Variants in TMEM109 observed in about 807,000 individuals in gnomAD.
TMEM109 encodes voltage-gated monoatomic cation channel TMEM109.
A neutral mutation model predicts 26.4 loss-of-function variants in TMEM109; 19 were observed. That is an observed-to-expected ratio of 0.72 (90% CI 0.50 to 1.06). The LOEUF (loss-of-function observed/expected upper bound fraction) is 1.06, where lower values mean the gene tolerates loss of function less well. TMEM109 is among the 50% of genes least tolerant of loss of function. TMEM109 has a pLI of 0.00. For missense variants in TMEM109, 262 were observed against 303.4 expected (o/e 0.86, Z 1.01); for synonymous variants, 129 against 142.0 (o/e 0.91, Z 0.65).
chr11:60,922,108 G>T lies in TMEM109; in HGVS notation c.675G>T (p.Glu225Asp). Residue 225 changes from glutamate (E) to aspartate (D), a missense_variant, in exon 4 of 4, where the codon GAG becomes GAT. Glu to Asp is a conservative substitution (Grantham distance 45, BLOSUM62 2). Coordinates refer to ENST00000227525, the MANE Select transcript of TMEM109 (RefSeq NM_024092.3). ...GAGGGCTGGAACGCCAGGTGGAGGAGCTGCGCTGGCGCCAGAGGCGAGCGG... is the reference window on the plus strand; with the variant it reads ...GAGGGCTGGAACGCCAGGTGGAGGATCTGCGCTGGCGCCAGAGGCGAGCGG... ...KVRGLERQVE[E>D]LRWRQRRAAK... The T allele has an allele frequency of 6.2e-7, 1 of 1,612,500 alleles. No homozygotes were observed. Among genetic ancestry groups the T allele is most frequent in the Non-Finnish European group, 8.5e-7 (1 of 1,179,614 alleles).
intron 1 of TMEM109, among the ~76,000 whole-genome samples, chr11:60,917,863 A>G (rs1017544209): frequency 1.3e-5 from 2 of 151,808 alleles, no homozygotes; most frequent in Non-Finnish European, 1.5e-5. Flanking sequence ...AGGGTCTCCT[A>G]TGTTGCCCAG....
intron 2 of TMEM109, among the ~76,000 whole-genome samples, chr11:60,920,637 A>G (rs1338747618): frequency 6.6e-6 from 1 of 152,216 alleles, no homozygotes; most frequent in Non-Finnish European, 1.5e-5. Flanking sequence ...ATTATGTCCC[A>G]GATGCCCTAG....
rs1856250619 is a variant in TMEM109, at chr11:60,922,144, C to T, written c.711C>T (p.Ala237=). ...GCCAGAGGCGAGCGGCCAAGGGGGC[C>T]CGCAGTGTGGAGGAGGAGTGAGCCG... ...RWRQRRAAKG[A]RSVEEE Residue 237 remains alanine, a synonymous_variant, in exon 4 of 4, where the codon GCC becomes GCT. Coordinates refer to ENST00000227525, the MANE Select transcript of TMEM109 (RefSeq NM_024092.3). 3.3e-5 allele frequency: 52 copies of T among 1,599,038 alleles called. No individual in the cohort carries two copies. The highest frequency in any genetic ancestry group is 4.4e-5 in the Non-Finnish European group (52 of 1,173,226).
At chr11:60,920,077 T>A in intron 2 of TMEM109, 147 bp downstream of exon 2, 1 of 671,144 alleles carries the variant, frequency 1.5e-6, no homozygotes, top group Non-Finnish European at 2.6e-6. Context: ...AGCACTTGTC[T>A]TTGAATTCCT....
At chr11:60,919,145 A>G (rs898939723) in intron 1 of TMEM109, 2 of 159,772 alleles carry the variant, frequency 1.3e-5, no homozygotes, top group African/African-American at 2.4e-5. Flanking sequence ...GCCACCTCAC[A>G]TGATGGTCCT....
Position 60,922,080 on chromosome 11 carries a change from T to C in TMEM109, c.647T>C (p.Val216Ala). 6.2e-7 allele frequency: 1 copy of C among 1,613,204 alleles called. No individual in the cohort carries two copies. Among genetic ancestry groups the C allele is most frequent in the South Asian group, 1.1e-5 (1 of 91,062 alleles). Reference protein sequence around the residue: ...RASGAQLEAKVRGLERQVEEL... With the variant: ...RASGAQLEAKARGLERQVEEL... ...TCTGGGGCCCAACTCGAGGCCAAGGTGCGAGGGCTGGAACGCCAGGTGGAG... is the reference window on the plus strand; with the variant it reads ...TCTGGGGCCCAACTCGAGGCCAAGGCGCGAGGGCTGGAACGCCAGGTGGAG... Residue 216 changes from valine to alanine, a missense_variant, in exon 4 of 4, where the codon GTG (valine) becomes GCG (alanine). Transcript: ENST00000227525.
At chr11:60,917,739 G>A (rs148564887) in intron 1 of TMEM109, among the ~76,000 whole-genome samples, 1,876 of 152,142 alleles carry the variant, frequency 0.012, 28 homozygotes, top group Middle Eastern at 0.075. Context: ...CACTGCAGCC[G>A]TGACCTCCTG....
rs1200232953 is a variant in TMEM109, at chr11:60,920,957, C to T, written c.309C>T (p.Ala103=). 8.1e-6 allele frequency: 13 copies of T among 1,614,176 alleles called. No homozygotes were observed. Among genetic ancestry groups the T allele is most frequent in the Middle Eastern group, 1.6e-4 (1 of 6,062 alleles). Residue 103 remains alanine (A), a synonymous_variant, in exon 3 of 4, where the codon GCC becomes GCT. Transcript: ENST00000227525. ...CCTTCTTTGCTCTGTCTGGGATCGCCGCACAGCTGCTGAATGCCTTGGGAC... is the reference window on the plus strand; with the variant it reads ...CCTTCTTTGCTCTGTCTGGGATCGCTGCACAGCTGCTGAATGCCTTGGGAC... ...SVAFFALSGI[A]AQLLNALGLA...
chr11:60,921,727 C>T, intron 3 of TMEM109, 47 bp from the exon 4 acceptor site: 2 of 1,507,212 alleles, frequency 1.3e-6, no homozygotes, highest in South Asian at 2.3e-5. Context: ...GCTCTCCCCT[C>T]ACCACTTCTC....
At position 60,919,807 on chromosome 11, in the gene TMEM109, CTT is replaced by C. The variant is rs762046342; in HGVS notation, c.116_117del (p.Phe39CysfsTer13). The C allele has an allele frequency of 6.2e-7, 1 of 1,614,172 alleles. No individual in the cohort carries two copies. On this transcript the variant is annotated frameshift_variant, in exon 2 of 4. Transcript: ENST00000227525. LOFTEE classifies it high-confidence loss of function. Reference sequence around the variant, plus strand: ...CAGCATTGGCCCAGTCCCGTCGAGACTTTGCACCACCAGGCCAACAGAAGAGA... The same window carrying C: ...CAGCATTGGCCCAGTCCCGTCGAGACTGCACCACCAGGCCAACAGAAGAGA... ...HSALAQSRRDFAPPGQQKREA... is the reference protein window; with the variant it reads ...HSALAQSRRDXAPPGQQKREA...
At position 60,921,812 on chromosome 11, in the gene TMEM109, C is replaced by G. The variant is rs746512873; in HGVS notation, c.379C>G (p.Gln127Glu). 13 of 1,613,816 alleles carry G rather than the reference C, an allele frequency of 8.1e-6. No individual in the cohort carries two copies. Among genetic ancestry groups the G allele is most frequent in the Admixed American group, 3.3e-5 (2 of 60,018 alleles). Residue 127 changes from glutamine (Q) to glutamate (E), a missense_variant, in exon 4 of 4, where the codon CAG becomes GAG. Coordinates refer to ENST00000227525, the MANE Select transcript of TMEM109 (RefSeq NM_024092.3). Reference sequence around the variant, plus strand: ...CCAGGGCCTGAAGCTCAGCCCTGGCCAGGTCCAGACCTTCCTGCTGTGGGG... The same window carrying G: ...CCAGGGCCTGAAGCTCAGCCCTGGCGAGGTCCAGACCTTCCTGCTGTGGGG... Reference protein sequence around the residue: ...LAQGLKLSPGQVQTFLLWGAG... With the variant: ...LAQGLKLSPGEVQTFLLWGAG...
At position 60,922,017 on chromosome 11, in the gene TMEM109, T is replaced by C; in HGVS notation, c.584T>C (p.Leu195Pro). 6.2e-7 allele frequency: 1 copy of C among 1,613,136 alleles called. No individual in the cohort carries two copies. The stretch of plus-strand genomic sequence containing the variant: ...CTGCTACTCCTGGCCTTGCTGATCC[T>C]CTACGCCCTGCTGAGCCGGCTCACT... ...RALLLLALLILYALLSRLTGS... is the reference protein window; with the variant it reads ...RALLLLALLIPYALLSRLTGS... The change falls in exon 4 of 4, where the codon CTC becomes CCC. Residue 195 changes from leucine (L) to proline (P), a missense_variant. Physicochemically the swap from Leu to Pro is moderately conservative, Grantham distance 98. Coordinates refer to ENST00000227525, the MANE Select transcript of TMEM109 (RefSeq NM_024092.3).
chr11:60,920,476 A>G (rs1190164934), intron 2 of TMEM109, among the ~76,000 whole-genome samples: 2 of 152,154 alleles, frequency 1.3e-5, no homozygotes, highest in African/African-American at 4.8e-5. Context: ...CTATCCCTTT[A>G]CAGATGTTCT....
intron 3 of TMEM109, 24 bp downstream of exon 3, chr11:60,921,012 T>A (rs779517507): frequency 6.3e-7 from 1 of 1,598,396 alleles, no homozygotes; most frequent in Non-Finnish European, 8.6e-7. Flanking sequence ...TGCTGGGTAG[T>A]CAGCCAGAGC....
chr11:60,921,679 A>G, intron 3 of TMEM109, 95 bp from the exon 4 acceptor site: 5 of 904,112 alleles, frequency 5.5e-6, no homozygotes, highest in Admixed American at 4.4e-5. Context: ...TTCCTTTGCA[A>G]TGTGCCTAGC....
intron 1 of TMEM109, among the ~76,000 whole-genome samples, chr11:60,915,286 T>C (rs1856161548): frequency 6.6e-6 from 1 of 152,256 alleles, no homozygotes; most frequent in Non-Finnish European, 1.5e-5. Context: ...CTGGGTTCAC[T>C]CCCTTTTACG....
At chr11:60,917,926 G>A (rs938194533) in intron 1 of TMEM109, among the ~76,000 whole-genome samples, 1 of 152,164 alleles carries the variant, frequency 6.6e-6, no homozygotes, top group Non-Finnish European at 1.5e-5. Flanking sequence ...GCCTCCCAAA[G>A]TGTTGGGATT....
At chr11:60,920,560 T>C (rs1008915473) in intron 2 of TMEM109, among the ~76,000 whole-genome samples, 2 of 152,230 alleles carry the variant, frequency 1.3e-5, no homozygotes, top group Non-Finnish European at 2.9e-5. Flanking sequence ...AAGTATTTGA[T>C]TGTCTCCGTC....
chr11:60,919,969 G>C (rs766409312), intron 2 of TMEM109, 39 bp downstream of exon 2: 22 of 1,562,966 alleles, frequency 1.4e-5, no homozygotes, highest in Non-Finnish European at 1.8e-5. Flanking sequence ...ACACATTAAG[G>C]AAAAATAAAA....
Sources: gnomAD v4.1 joint callset for allele counts (sites outside exome capture counted in the v4.1 genomes callset) on GRCh38, gnomAD v4.1.1 for gene constraint, MANE v1.5 for transcripts, NCBI Gene and HGNC (gene_info 2026-07-23, HGNC 2026-07-21) for gene names.